The following NRXN2 variants were observed in gnomAD, a reference collection of about 807,000 sequenced individuals.
NRXN2 encodes the protein neurexin-2-beta.
NRXN2 carries 29 observed loss-of-function variants against 128.8 expected under a neutral mutation model. The observed-to-expected ratio is 0.23, with a 90% CI of 0.17 to 0.31. The LOEUF is 0.31. Among genes scored for constraint, NRXN2 ranks in the 10% least tolerant of loss-of-function variants. The pLI is 1.00. For synonymous variants in NRXN2, 1,098 were observed against 1,075.2 expected (o/e 1.02, Z -0.41); for missense variants, 1,881 against 2,452.6 (o/e 0.77, Z 4.92).
intron 2 of NRXN2, among the ~76,000 whole-genome samples, chr11:64,704,107 C>T (rs950304796): frequency 6.6e-6 from 1 of 152,008 alleles, no homozygotes; most frequent in African/African-American, 2.4e-5. Context: ...CTTCTACTCA[C>T]AGAAACTGTC....
intron 6 of NRXN2, among the ~76,000 whole-genome samples, chr11:64,677,568 G>A (rs1320156634): frequency 1.3e-5 from 2 of 152,232 alleles, no homozygotes; most frequent in South Asian, 4.1e-4. Flanking sequence ...TTATAAGCGT[G>A]TTAGTAACAC....
Position 64,648,247 on chromosome 11 carries a change from A to G in NRXN2, c.3375T>C (p.Thr1125=). 5.6e-6 allele frequency: 9 copies of G among 1,614,196 alleles called. No individual in the cohort carries two copies. The highest frequency in any genetic ancestry group is 7.6e-6 in the Non-Finnish European group (9 of 1,180,022). The change falls in exon 17 of 23, where the codon ACT becomes ACC. Residue 1125 remains threonine, a synonymous_variant. Transcript: ENST00000265459. This position sits in a 1 kb window ranked among gnomAD's most constrained non-coding sequence, Gnocchi z 4.1. Reference sequence around the variant, plus strand: ...CATTGCAGACAGGGCCTCCATAGGAAGTCATGGTGCAGTCGCAGGTGAAGC... The same window carrying G: ...CATTGCAGACAGGGCCTCCATAGGAGGTCATGGTGCAGTCGCAGGTGAAGC... ...WDGFTCDCTM[T]SYGGPVCNDP...
intron 22 of NRXN2, among the ~76,000 whole-genome samples, chr11:64,613,072 C>T (rs1483100057): frequency 3.9e-5 from 6 of 152,244 alleles, no homozygotes; most frequent in Admixed American, 3.9e-4. Flanking sequence ...TCGCCACCCA[C>T]AAGCACCAGT....
At chr11:64,618,722 G>A (rs952813729) in intron 22 of NRXN2, among the ~76,000 whole-genome samples, 17 of 152,174 alleles carry the variant, frequency 1.1e-4, no homozygotes, top group African/African-American at 4.1e-4. Flanking sequence ...GCACTCAGCA[G>A]AGGGGCCTCC....
intron 1 of NRXN2, among the ~76,000 whole-genome samples, chr11:64,715,915 A>T (rs1374411956): frequency 6.6e-6 from 1 of 152,140 alleles, no homozygotes; most frequent in Non-Finnish European, 1.5e-5. Context: ...TCCCAGCCTG[A>T]TTGACGCCCT....
chr11:64,641,211 G>A (rs1414196771), intron 17 of NRXN2, among the ~76,000 whole-genome samples: 1 of 152,108 alleles, frequency 6.6e-6, no homozygotes, highest in Admixed American at 6.6e-5. Flanking sequence ...GGTATGTGAG[G>A]TGTTGAGAGC....
intron 2 of NRXN2, among the ~76,000 whole-genome samples, chr11:64,706,031 C>A (rs2056215151): frequency 1.7e-5 from 2 of 114,948 alleles, no homozygotes; most frequent in Admixed American, 1.3e-4. Flanking sequence ...AATCCCTCTG[C>A]ACTTCACTCC....
chr11:64,667,725 A>T lies in NRXN2; in HGVS notation c.1360-37T>A. Reference sequence around the variant, plus strand: ...GGTGGGGTCAGGGATAAAGAATCCGAAAGCAGCTTAGGGCCTGGCCACTCC... The same window carrying T: ...GGTGGGGTCAGGGATAAAGAATCCGTAAGCAGCTTAGGGCCTGGCCACTCC... On this transcript the variant is annotated intron_variant, in intron 8 of 22. Coordinates refer to ENST00000265459, the MANE Select transcript of NRXN2 (RefSeq NM_015080.4). This position sits in a 1 kb window ranked among gnomAD's most constrained non-coding sequence, Gnocchi z 5.6. 9 of 1,607,954 alleles carry T rather than the reference A, an allele frequency of 5.6e-6. No homozygotes were observed. The highest frequency in any genetic ancestry group is 7.6e-6 in the Non-Finnish European group (9 of 1,176,834).
intron 2 of NRXN2, among the ~76,000 whole-genome samples, chr11:64,704,994 C>A (rs1364387106): frequency 1.3e-5 from 2 of 152,196 alleles, no homozygotes; most frequent in Admixed American, 1.3e-4. Flanking sequence ...GCCCTGCTCT[C>A]TGGGATGGGT....
chr11:64,635,364 G>A lies in NRXN2; in HGVS notation c.3492C>T (p.Arg1164=). The A allele has an allele frequency of 1.2e-6, 2 of 1,613,692 alleles. No homozygotes were observed. The highest frequency in any genetic ancestry group is 1.1e-5 in the South Asian group (1 of 91,084). The change falls in exon 18 of 23, where the codon CGC becomes CGT. Residue 1164 remains arginine, a synonymous_variant. Coordinates refer to ENST00000265459, the MANE Select transcript of NRXN2 (RefSeq NM_015080.4). This position sits in a 1 kb window ranked among gnomAD's most constrained non-coding sequence, Gnocchi z 4.8. ...GGTGGGTGCTGAAGCCCACGGCCAG[G>A]CGATCCATCCTCGTGCTGGGCCTGT... is the stretch of plus-strand genomic sequence containing the variant. The part of the protein sequence containing the change: ...PNDRPSTRMD[R]LAVGFSTHQR...
intron 4 of NRXN2, among the ~76,000 whole-genome samples, chr11:64,692,442 A>G (rs986924976): frequency 6.6e-6 from 1 of 152,202 alleles, no homozygotes; most frequent in Non-Finnish European, 1.5e-5. Context: ...CATAGAAAAG[A>G]AAGAATGATC....
intron 17 of NRXN2, chr11:64,642,919 G>A (rs2045961336): frequency 9.7e-7 from 1 of 1,027,470 alleles, no homozygotes; most frequent in African/African-American, 1.7e-5. Context: ...TAGGGATGAA[G>A]CGGAGGTAAA....
At chr11:64,634,190 CT>C (rs1421343444) in intron 18 of NRXN2, among the ~76,000 whole-genome samples, 1 of 152,208 alleles carries the variant, frequency 6.6e-6, no homozygotes, top group East Asian at 1.9e-4. Flanking sequence ...CCCACAAAGC[CT>C]GGCCAGCCTG....
In NRXN2 at chr11:64,650,653, G is replaced by A; in HGVS notation, c.2919-15C>T. 1 of 1,613,784 alleles carries A rather than the reference G, an allele frequency of 6.2e-7. No homozygotes were observed. Among genetic ancestry groups the A allele is most frequent in the Non-Finnish European group, 8.5e-7 (1 of 1,179,680 alleles). On this transcript the variant is annotated splice_polypyrimidine_tract_variant and intron_variant, in intron 14 of 22. Coordinates refer to ENST00000265459, the MANE Select transcript of NRXN2 (RefSeq NM_015080.4). ...AGTGGATGTACCTGCCCCACAGTAG[G>A]GAGGAGACACTGGGTCAGGGCGGGG...
At chr11:64,645,026 C>A (rs1014777685) in intron 17 of NRXN2, among the ~76,000 whole-genome samples, 26 of 152,082 alleles carry the variant, frequency 1.7e-4, no homozygotes, top group Admixed American at 1.6e-3. Context: ...GTGAAGAAAG[C>A]GGTCCTCAGA....
At chr11:64,611,941 C>T (rs1321329027) in intron 22 of NRXN2, among the ~76,000 whole-genome samples, 1 of 150,296 alleles carries the variant, frequency 6.7e-6, no homozygotes, top group African/African-American at 2.4e-5. Context: ...GCCCCCTTCT[C>T]ATGGTAGCCT....
At chr11:64,659,881 G>T (rs921627313) in intron 11 of NRXN2, among the ~76,000 whole-genome samples, 4 of 152,170 alleles carry the variant, frequency 2.6e-5, no homozygotes, top group Admixed American at 2.0e-4. Flanking sequence ...TGCGTGCATG[G>T]ACCAGGCCTT....
intron 7 of NRXN2, among the ~76,000 whole-genome samples, chr11:64,669,565 G>T (rs1376955205): frequency 6.6e-6 from 1 of 152,162 alleles, no homozygotes; most frequent in Non-Finnish European, 1.5e-5. Context: ...GGAGGCAGGG[G>T]GGCTCAGCGG....
At chr11:64,654,181 G>GA (rs1295086888) in intron 11 of NRXN2, among the ~76,000 whole-genome samples, 1 of 152,026 alleles carries the variant, frequency 6.6e-6, no homozygotes, top group Non-Finnish European at 1.5e-5. Flanking sequence ...GCCCAGGTGT[G>GA]ACTTGTCACT....
Sources: allele counts gnomAD v4.1 joint callset (sites outside exome capture counted in the v4.1 genomes callset), GRCh38; gene constraint gnomAD v4.1.1; non-coding constraint Gnocchi (gnomAD v3.1); transcripts MANE v1.5; gene names NCBI Gene and HGNC (gene_info 2026-07-23, HGNC 2026-07-21).